RBFOX1: variants seen among roughly 807,000 people sequenced by gnomAD.
RBFOX1 encodes the protein RNA binding fox-1 homolog 1.
A neutral mutation model predicts 57.7 loss-of-function variants in RBFOX1; 8 were observed. The observed-to-expected ratio is 0.14, with a 90% CI of 0.08 to 0.25. RBFOX1 has a LOEUF of 0.25. RBFOX1 is among the 10% of genes least tolerant of loss of function. The pLI, the probability that RBFOX1 is intolerant of heterozygous loss-of-function variation, is 1.00. For synonymous variants in RBFOX1, 326 were observed against 222.4 expected, an observed-to-expected ratio of 1.47 and a Z score of -4.15; for missense variants, 611 against 548.5, an observed-to-expected ratio of 1.11 and a Z score of -1.14.
At chr16:6,720,072 C>T (rs1017002155) in intron 3 of RBFOX1, among the ~76,000 whole-genome samples, 20 of 151,568 alleles carry the variant, frequency 1.3e-4, no homozygotes, top group South Asian at 2.1e-4. Context: ...ACACCCTGGG[C>T]GACAGTGTGA....
intron 4 of RBFOX1, among the ~76,000 whole-genome samples, chr16:7,245,290 A>T (rs544912598): frequency 3.3e-5 from 5 of 152,236 alleles, no homozygotes; most frequent in African/African-American, 9.6e-5. Flanking sequence ...ATGTTATTTC[A>T]TTATCTTTTG....
At chr16:6,475,804 T>C (rs550883614) in intron 2 of RBFOX1, among the ~76,000 whole-genome samples, 12 of 152,346 alleles carry the variant, frequency 7.9e-5, no homozygotes, top group Admixed American at 5.9e-4. Context: ...AAAGAAGTAA[T>C]ATTACTGTAT....
chr16:7,329,617 C>T (rs1331570616), intron 4 of RBFOX1, among the ~76,000 whole-genome samples: 1 of 152,182 alleles, frequency 6.6e-6, no homozygotes, highest in African/African-American at 2.4e-5. Flanking sequence ...GAAGTCAATA[C>T]AACTTCAAAA....
chr16:5,854,552 A>G (rs1006253252), intron 3 of RBFOX1, among the ~76,000 whole-genome samples: 3 of 149,186 alleles, frequency 2.0e-5, no homozygotes, highest in Admixed American at 6.8e-5. Context: ...GTTTATACCT[A>G]TCTTACCCCC....
At chr16:6,910,227 A>G (rs1204748700) in intron 3 of RBFOX1, among the ~76,000 whole-genome samples, 1 of 152,098 alleles carries the variant, frequency 6.6e-6, no homozygotes, top group African/African-American at 2.4e-5. Context: ...GAGTCTCATG[A>G]GATGATTACT....
intron 3 of RBFOX1, among the ~76,000 whole-genome samples, chr16:5,805,060 T>A (rs1181185409): frequency 2.0e-5 from 3 of 152,096 alleles, no homozygotes; most frequent in Admixed American, 2.0e-4. Context: ...AGCATTGAGT[T>A]GTTTGAATCA....
At chr16:6,755,002 A>G (rs62017639) in intron 3 of RBFOX1, among the ~76,000 whole-genome samples, 39,797 of 151,952 alleles carry the variant, frequency 0.26, 5,626 homozygotes, top group Non-Finnish European at 0.32. Context: ...ATGATTTCCA[A>G]TTTCATCCAT....
chr16:7,194,084 ATT>A (rs1567653351), intron 4 of RBFOX1, among the ~76,000 whole-genome samples: 2 of 152,030 alleles, frequency 1.3e-5, no homozygotes, highest in Non-Finnish European at 2.9e-5. Flanking sequence ...AGAAGGAGTT[ATT>A]CTCTTTCCAT....
At chr16:6,821,182 A>C (rs761767126) in intron 3 of RBFOX1, among the ~76,000 whole-genome samples, 2 of 152,168 alleles carry the variant, frequency 1.3e-5, no homozygotes, top group South Asian at 4.2e-4. Context: ...GCTGGAAGGC[A>C]CTCCTGGATT....
chr16:6,366,912 C>T (rs1326620048), intron 2 of RBFOX1, among the ~76,000 whole-genome samples: 1 of 152,180 alleles, frequency 6.6e-6, no homozygotes, highest in African/African-American at 2.4e-5. Flanking sequence ...ATTGTGGGTT[C>T]TTCTGACTGT....
chr16:5,249,232 C>A (rs889977403), intron 1 of RBFOX1, among the ~76,000 whole-genome samples: 5 of 152,140 alleles, frequency 3.3e-5, no homozygotes, highest in Admixed American at 6.5e-5. Context: ...CTGTGTGGCA[C>A]CCTGTTCTGG....
intron 5 of RBFOX1, among the ~76,000 whole-genome samples, chr16:7,553,162 A>G (rs2087127755): frequency 1.3e-5 from 2 of 151,818 alleles, no homozygotes; most frequent in African/African-American, 4.8e-5. Context: ...TTCTCTTTTT[A>G]GAGACAGGGT....
intron 3 of RBFOX1, among the ~76,000 whole-genome samples, chr16:5,638,532 A>C (rs1388193950): frequency 6.6e-6 from 1 of 152,168 alleles, no homozygotes; most frequent in Admixed American, 6.5e-5. Context: ...GTCCCCAACA[A>C]ACACAGTGGC....
chr16:6,187,821 GCTTT>G (rs766143949), intron 1 of RBFOX1, among the ~76,000 whole-genome samples: 7 of 152,168 alleles, frequency 4.6e-5, no homozygotes, highest in Non-Finnish European at 1.0e-4. Context: ...AGCAAAGTCA[GCTTT>G]CCTCTCTGGC....
chr16:6,603,905 G>A (rs1004268041), intron 2 of RBFOX1, among the ~76,000 whole-genome samples: 1 of 152,066 alleles, frequency 6.6e-6, no homozygotes, highest in Non-Finnish European at 1.5e-5. Flanking sequence ...TTTGTGATGT[G>A]TCTCAGCTCT....
chr16:7,335,314 C>T (rs1456687961), intron 4 of RBFOX1, among the ~76,000 whole-genome samples: 2 of 152,094 alleles, frequency 1.3e-5, no homozygotes, highest in Non-Finnish European at 2.9e-5. Flanking sequence ...GTTCTATCAC[C>T]ACCTAAATAT....
chr16:6,527,152 C>A (rs555938932), intron 2 of RBFOX1, among the ~76,000 whole-genome samples: 1 of 152,014 alleles, frequency 6.6e-6, no homozygotes, highest in Non-Finnish European at 1.5e-5. Context: ...TTAAAACATT[C>A]AAAAATATAA....
intron 3 of RBFOX1, among the ~76,000 whole-genome samples, chr16:6,752,101 C>T (rs11861016): frequency 0.089 from 13,492 of 152,114 alleles, 745 homozygotes; most frequent in East Asian, 0.15. Flanking sequence ...CTCCGGTGAC[C>T]CACTGCCTGC....
chr16:5,545,164 G>A (rs566898476), intron 2 of RBFOX1, among the ~76,000 whole-genome samples: 1 of 151,954 alleles, frequency 6.6e-6, no homozygotes, highest in South Asian at 2.1e-4. Context: ...TTTTAGTAGA[G>A]ACAGGGTTTC....
Sources: allele counts gnomAD v4.1 joint callset (sites outside exome capture counted in the v4.1 genomes callset), GRCh38; gene constraint gnomAD v4.1.1; transcripts MANE v1.5; gene names NCBI Gene and HGNC (gene_info 2026-07-23, HGNC 2026-07-21).